ATRNL1: variants seen among roughly 807,000 people sequenced by gnomAD.
The protein encoded by ATRNL1 is attractin-like protein 1.
A neutral mutation model predicts 182.7 loss-of-function variants in ATRNL1; 95 were observed. The ratio of observed to expected loss-of-function variants is 0.52; its 90% confidence interval spans 0.44 to 0.62. The LOEUF is 0.62. ATRNL1 is among the 20% of genes least tolerant of loss of function. ATRNL1 has a pLI of 0.00. For missense variants in ATRNL1, 1,471 were observed against 1,679.5 expected, an observed-to-expected ratio of 0.88 and a Z score of 2.17; for synonymous variants, 576 against 568.3, an observed-to-expected ratio of 1.01 and a Z score of -0.19.
At chr10:115,786,200 C>T (rs1949392806) in intron 27 of ATRNL1, among the ~76,000 whole-genome samples, 1 of 152,148 alleles carries the variant, frequency 6.6e-6, no homozygotes, top group Non-Finnish European at 1.5e-5. Flanking sequence ...CTAGCCTCCA[C>T]CCATTACCCA....
At chr10:115,219,209 G>T (rs1447951012) in intron 9 of ATRNL1, among the ~76,000 whole-genome samples, 11 of 149,308 alleles carry the variant, frequency 7.4e-5, no homozygotes, top group African/African-American at 2.7e-4. Context: ...TCCAGTCTGG[G>T]TGACAGAGTG....
chr10:115,737,837 T>C (rs573966886), intron 27 of ATRNL1, among the ~76,000 whole-genome samples: 1 of 152,198 alleles, frequency 6.6e-6, no homozygotes, highest in African/African-American at 2.4e-5. Flanking sequence ...TGTATTGACT[T>C]TTCTCTTGGT....
chr10:115,136,326 A>G (rs1250969562), intron 5 of ATRNL1, among the ~76,000 whole-genome samples: 2 of 152,226 alleles, frequency 1.3e-5, no homozygotes, highest in Non-Finnish European at 2.9e-5. Flanking sequence ...AAAATTGAGC[A>G]GAAGGTACAG....
At chr10:115,148,959 C>T (rs1554880005) in intron 5 of ATRNL1, among the ~76,000 whole-genome samples, 1 of 151,870 alleles carries the variant, frequency 6.6e-6, no homozygotes, top group Non-Finnish European at 1.5e-5. Flanking sequence ...CATGTTTCAC[C>T]TCCTGACCTC....
intron 26 of ATRNL1, among the ~76,000 whole-genome samples, chr10:115,587,291 T>C (rs1316303509): frequency 2.6e-5 from 4 of 152,150 alleles, no homozygotes; most frequent in Non-Finnish European, 4.4e-5. Flanking sequence ...CCCAGTTCAG[T>C]TGGAGCTCCC....
intron 8 of ATRNL1, among the ~76,000 whole-genome samples, chr10:115,198,314 T>C (rs536988108): frequency 3.9e-4 from 59 of 152,314 alleles, no homozygotes; most frequent in African/African-American, 1.4e-3. Flanking sequence ...GTATCTTCTT[T>C]TGAGAAATGT....
chr10:115,231,366 C>T (rs1849944167), intron 9 of ATRNL1, among the ~76,000 whole-genome samples: 1 of 151,858 alleles, frequency 6.6e-6, no homozygotes, highest in Admixed American at 6.6e-5. Flanking sequence ...CTGAACTTGA[C>T]AAGAGAAGTT....
At chr10:115,242,771 T>A (rs927545259) in intron 10 of ATRNL1, among the ~76,000 whole-genome samples, 5 of 152,088 alleles carry the variant, frequency 3.3e-5, no homozygotes, top group African/African-American at 4.8e-5. Context: ...GCATGGTTTT[T>A]AAATCTAAGT....
chr10:115,230,909 G>GAGAA (rs1849909665), intron 9 of ATRNL1, among the ~76,000 whole-genome samples: 3 of 138,238 alleles, frequency 2.2e-5, no homozygotes, highest in Non-Finnish European at 4.5e-5. Context: ...GAGAGAGAGA[G>GAGAA]AGAGAGAGAG....
At chr10:115,803,383 C>T (rs1277191486) in intron 27 of ATRNL1, among the ~76,000 whole-genome samples, 1 of 151,844 alleles carries the variant, frequency 6.6e-6, no homozygotes, top group East Asian at 1.9e-4. Flanking sequence ...GTAAATTAAG[C>T]CATTTCTGAA....
intron 8 of ATRNL1, among the ~76,000 whole-genome samples, chr10:115,178,148 G>C (rs1554887165): frequency 6.6e-6 from 1 of 151,856 alleles, no homozygotes; most frequent in African/African-American, 2.4e-5. Flanking sequence ...GAGCTCGAGT[G>C]ATCTGCCTTC....
At position 115,591,102 on chromosome 10, in the gene ATRNL1, C is replaced by T. The variant is rs77958228; in HGVS notation, c.3795+41566C>T. Among the ~76,000 whole-genome samples, 1,387 of 152,252 alleles carry T rather than the reference C, an allele frequency of 9.1e-3. 15 individuals are homozygous for T. The highest frequency in any genetic ancestry group is 0.03 in the African/African-American group (1,261 of 41,536). The stretch of plus-strand genomic sequence containing the variant: ...AGCACGTACAAGATATGCATGTATA[C>T]GTGTATATATTAATACATACGTGTA... On this transcript the variant is annotated intron_variant, in intron 26 of 28. Coordinates refer to ENST00000355044, the MANE Select transcript of ATRNL1 (RefSeq NM_207303.4).
intron 20 of ATRNL1, among the ~76,000 whole-genome samples, chr10:115,416,847 C>T (rs1845412908): frequency 6.6e-6 from 1 of 152,138 alleles, no homozygotes; most frequent in African/African-American, 2.4e-5. Flanking sequence ...GAGTTTGTAT[C>T]CTTGAGCTTT....
chr10:115,504,924 A>T, intron 24 of ATRNL1, among the ~76,000 whole-genome samples: 1 of 152,192 alleles, frequency 6.6e-6, no homozygotes, highest in Middle Eastern at 3.4e-3. Context: ...ATTTATAAAG[A>T]CCTTTTTTTC....
intron 28 of ATRNL1, among the ~76,000 whole-genome samples, chr10:115,925,671 G>A (rs781865660): frequency 2.1e-4 from 32 of 151,938 alleles, no homozygotes; most frequent in Non-Finnish European, 3.1e-4. Flanking sequence ...ACAAAGAAGG[G>A]CATTACATAA....
At chr10:115,555,305 C>G (rs966109915) in intron 26 of ATRNL1, among the ~76,000 whole-genome samples, 3 of 151,754 alleles carry the variant, frequency 2.0e-5, no homozygotes, top group Non-Finnish European at 3.0e-5. Flanking sequence ...CGTATATTAT[C>G]TATCAAAATT....
At chr10:115,929,324 A>T (rs1334565788) in intron 28 of ATRNL1, among the ~76,000 whole-genome samples, 1 of 152,116 alleles carries the variant, frequency 6.6e-6, no homozygotes, top group Non-Finnish European at 1.5e-5. Flanking sequence ...GTAATGCCTG[A>T]TTGGAGTTAA....
intron 26 of ATRNL1, among the ~76,000 whole-genome samples, chr10:115,647,652 A>G (rs1859715915): frequency 6.6e-6 from 1 of 151,482 alleles, no homozygotes; most frequent in African/African-American, 2.4e-5. Context: ...GGGTTGTTTG[A>G]TTTTTTCTTG....
At position 115,190,255 on chromosome 10, in the gene ATRNL1, CG is replaced by C. The variant is rs138327926; in HGVS notation, c.1348+18964del. Among the ~76,000 whole-genome samples, 1,471 of 152,062 alleles carry C rather than the reference CG, an allele frequency of 9.7e-3. 13 individuals are homozygous for C. Among genetic ancestry groups the C allele is most frequent in the African/African-American group, 0.021 (879 of 41,476 alleles). On this transcript the variant is annotated intron_variant, in intron 8 of 28. Transcript: ENST00000355044. Reference sequence around the variant, plus strand: ...CAAATGCTACTGTTAAAATTGTATACGTTTTTTTTACTTACTAAATGTTTTT... The same window carrying C: ...CAAATGCTACTGTTAAAATTGTATACTTTTTTTTACTTACTAAATGTTTTT...
Sources: allele counts gnomAD v4.1 joint callset (sites outside exome capture counted in the v4.1 genomes callset), GRCh38; gene constraint gnomAD v4.1.1; transcripts MANE v1.5; gene names NCBI Gene and HGNC (gene_info 2026-07-23, HGNC 2026-07-21).